The following ADGB variants were observed in gnomAD, a reference collection of about 807,000 sequenced individuals.
ADGB encodes androglobin, also known as calpain-7-like protein.
Under a neutral mutation model 210.5 loss-of-function variants are expected in ADGB, and 172 were observed. The ratio of observed to expected loss-of-function variants is 0.82; its 90% CI spans 0.72 to 0.93. The LOEUF (loss-of-function observed/expected upper bound fraction) is 0.93, where lower values mean the gene tolerates loss of function less well. Ranked by LOEUF, ADGB falls within the 40% of genes least tolerant of loss-of-function variation. ADGB has a pLI of 0.00. For synonymous variants in ADGB, 658 were observed against 662.7 expected (o/e 0.99, Z 0.11); for missense variants, 2,025 against 1,964.8 (o/e 1.03, Z -0.58).
intron 1 of ADGB, among the ~76,000 whole-genome samples, chr6:146,607,427 G>A (rs529327678): frequency 6.6e-6 from 1 of 152,188 alleles, no homozygotes; most frequent in East Asian, 1.9e-4. Flanking sequence ...CTTCCAGAGT[G>A]ATTTGGAATA....
intron 1 of ADGB, among the ~76,000 whole-genome samples, chr6:146,608,153 C>T (rs1780657204): frequency 6.6e-6 from 1 of 151,912 alleles, no homozygotes; most frequent in African/African-American, 2.4e-5. Flanking sequence ...AGGAATTTAT[C>T]CATTTCTTCT....
intron 13 of ADGB, among the ~76,000 whole-genome samples, chr6:146,705,363 G>C (rs2114550053): frequency 6.6e-6 from 1 of 152,200 alleles, no homozygotes; most frequent in South Asian, 2.1e-4. Context: ...CCTGATCTTA[G>C]AAGTAAAGCT....
rs1310488188 is a variant in ADGB, at chr6:146,815,420, A to C, written c.*203A>C. ...GTTTAAGATGCTCTAATTTCAATAA[A>C]ATAGCTTCCAAATATTTAATAAAAT... is the stretch of plus-strand genomic sequence containing the variant. On this transcript the variant is annotated 3_prime_UTR_variant, in exon 36 of 36. Transcript: ENST00000397944. 1.2e-5 allele frequency: 4 copies of C among 336,584 alleles called. No homozygotes were observed. The highest frequency in any genetic ancestry group is 2.1e-5 in the Non-Finnish European group (4 of 191,430). The allele number at this position is 336,584 out of a possible 1,614,324, so 20.8% of individuals were successfully genotyped here.
intron 33 of ADGB, among the ~76,000 whole-genome samples, chr6:146,798,879 C>A (rs1196250930): frequency 6.6e-6 from 1 of 151,490 alleles, no homozygotes; most frequent in Non-Finnish European, 1.5e-5. Context: ...CAAAACATCA[C>A]CAAAGGAAAT....
At chr6:146,678,502 T>C (rs1458126926) in intron 9 of ADGB, among the ~76,000 whole-genome samples, 1 of 152,152 alleles carries the variant, frequency 6.6e-6, no homozygotes, top group Non-Finnish European at 1.5e-5. Flanking sequence ...GCTGGGACTA[T>C]AGGCATGTGT....
intron 2 of ADGB, among the ~76,000 whole-genome samples, chr6:146,643,486 A>G (rs1303281718): frequency 6.6e-6 from 1 of 151,780 alleles, no homozygotes; most frequent in Non-Finnish European, 1.5e-5. Context: ...ATTTTTTGTA[A>G]GGACCTTTAT....
At chr6:146,749,386 G>T (rs1777287643) in intron 26 of ADGB, among the ~76,000 whole-genome samples, 1 of 152,106 alleles carries the variant, frequency 6.6e-6, no homozygotes, top group Non-Finnish European at 1.5e-5. Context: ...TCAGACCTAG[G>T]ACAGAATATG....
At chr6:146,629,086 G>T (rs912923500) in intron 1 of ADGB, among the ~76,000 whole-genome samples, 1 of 152,048 alleles carries the variant, frequency 6.6e-6, no homozygotes, top group African/African-American at 2.4e-5. Flanking sequence ...TATTATAAAA[G>T]TATAGGGTTA....
At chr6:146,640,670 A>G (rs528691675) in intron 2 of ADGB, among the ~76,000 whole-genome samples, 1 of 152,180 alleles carries the variant, frequency 6.6e-6, no homozygotes, top group Admixed American at 6.6e-5. Context: ...CCACATGAAT[A>G]TCTATATAAA....
chr6:146,635,432 A>G lies in ADGB; in HGVS notation c.132A>G (p.Lys44=). ...GTTCTACTGAACAAAAGAAGGGGAA[A>G]TTCCCACTCTGGCCAGAGTGGAGTG... ...QSGSTEQKKG[K]FPLWPEWSEA... is the part of the protein sequence containing the mutation. The change falls in exon 2 of 36, where the codon AAA becomes AAG. Residue 44 remains lysine (K), a synonymous_variant. Coordinates refer to ENST00000397944, the MANE Select transcript of ADGB (RefSeq NM_024694.4). 6.5e-7 allele frequency: 1 copy of G among 1,546,494 alleles called. No homozygotes were observed. The highest frequency in any genetic ancestry group is 8.7e-7 in the Non-Finnish European group (1 of 1,144,208).
chr6:146,690,937 T>G (rs926139508), intron 10 of ADGB, among the ~76,000 whole-genome samples, 179 bp from the exon 11 acceptor site: 2 of 152,026 alleles, frequency 1.3e-5, no homozygotes, highest in African/African-American at 4.8e-5. Flanking sequence ...TCCAGAAAAT[T>G]TAAAAGATGG....
intron 3 of ADGB, among the ~76,000 whole-genome samples, chr6:146,646,170 C>T (rs73004103): frequency 1.3e-5 from 2 of 152,102 alleles, no homozygotes; most frequent in Non-Finnish European, 2.9e-5. Flanking sequence ...TTGGGGTGGC[C>T]TTAGGATGTT....
chr6:146,673,268 A>C (rs1256127747), intron 8 of ADGB, among the ~76,000 whole-genome samples: 1 of 152,162 alleles, frequency 6.6e-6, no homozygotes, highest in African/African-American at 2.4e-5. Flanking sequence ...TTCTGTTGTA[A>C]GAGTGTGTCC....
chr6:146,658,372 G>GGT (rs10673247), intron 5 of ADGB, among the ~76,000 whole-genome samples: 358 of 152,054 alleles, frequency 2.4e-3, no homozygotes, highest in Middle Eastern at 6.8e-3. Flanking sequence ...CAAGCAGAAG[G>GGT]GTGATATTAA....
At chr6:146,672,136 A>AT in intron 7 of ADGB, 84 bp from the exon 8 acceptor site, 4 of 1,414,348 alleles carry the variant, frequency 2.8e-6, no homozygotes, top group Non-Finnish European at 3.7e-6. Flanking sequence ...TAGCAAGTTG[A>AT]TTTTTCTGTC....
intron 3 of ADGB, among the ~76,000 whole-genome samples, chr6:146,649,220 A>G (rs1173281341): frequency 6.6e-6 from 1 of 151,172 alleles, no homozygotes; most frequent in African/African-American, 2.4e-5. Context: ...TCACCTAAAT[A>G]AGAATCTCAA....
intron 9 of ADGB, among the ~76,000 whole-genome samples, chr6:146,683,126 A>G (rs1426164333): frequency 6.6e-6 from 1 of 152,104 alleles, no homozygotes; most frequent in Non-Finnish European, 1.5e-5. Context: ...ATGACACAGC[A>G]AAAAGTTCCT....
chr6:146,641,481 G>A (rs373988961), intron 2 of ADGB, among the ~76,000 whole-genome samples: 6 of 150,496 alleles, frequency 4.0e-5, no homozygotes, highest in Admixed American at 6.6e-5. Context: ...GAGGAATCAC[G>A]CGACCTGACT....
At chr6:146,639,913 T>A (rs1775482891) in intron 2 of ADGB, 1 of 151,618 alleles carries the variant, frequency 6.6e-6, no homozygotes, top group South Asian at 2.1e-4. Flanking sequence ...ATAATGAAAA[T>A]TAGAGCTGAA....
Sources: gnomAD v4.1 joint callset for allele counts (sites outside exome capture counted in the v4.1 genomes callset) on GRCh38, gnomAD v4.1.1 for gene constraint, MANE v1.5 for transcripts, NCBI Gene and HGNC (gene_info 2026-07-23, HGNC 2026-07-21) for gene names.